The following PGGT1B variants were observed in gnomAD, a reference collection of about 807,000 sequenced individuals.
The protein encoded by PGGT1B is protein geranylgeranyltransferase type I subunit beta.
Under a neutral mutation model 46.1 loss-of-function variants are expected in PGGT1B, and 30 were observed. The ratio of observed to expected loss-of-function variants is 0.65; its 90% confidence interval spans 0.49 to 0.88. The LOEUF is 0.88. Among genes scored for constraint, PGGT1B ranks in the 40% least tolerant of loss-of-function variants. The pLI is 0.00. For missense variants in PGGT1B, 376 were observed against 455.9 expected (o/e 0.82, Z 1.60); for synonymous variants, 170 against 160.0 (o/e 1.06, Z -0.47).
intron 6 of PGGT1B, among the ~76,000 whole-genome samples, chr5:115,230,219 A>G (rs17137549): frequency 0.013 from 2,050 of 152,110 alleles, 47 homozygotes; most frequent in African/African-American, 0.046. Flanking sequence ...GGGCTGAGAC[A>G]AGAACACTGA....
chr5:115,220,354 G>A (rs1014023602), intron 7 of PGGT1B, among the ~76,000 whole-genome samples: 8 of 151,630 alleles, frequency 5.3e-5, no homozygotes, highest in Non-Finnish European at 1.0e-4. Flanking sequence ...AGAAACAGAA[G>A]GACAAATATT....
At chr5:115,224,171 T>C (rs1756683948) in intron 6 of PGGT1B, among the ~76,000 whole-genome samples, 1 of 152,182 alleles carries the variant, frequency 6.6e-6, no homozygotes, top group Non-Finnish European at 1.5e-5. Context: ...AGTAATCTTA[T>C]TTCCTTTTCA....
intron 6 of PGGT1B, among the ~76,000 whole-genome samples, chr5:115,226,323 G>A (rs1270126202): frequency 6.6e-6 from 1 of 152,016 alleles, no homozygotes. Flanking sequence ...AGCTTAATTG[G>A]TAAGTATAAT....
intron 2 of PGGT1B, among the ~76,000 whole-genome samples, chr5:115,247,405 TA>T (rs1747896856): frequency 6.6e-6 from 1 of 152,196 alleles, no homozygotes; most frequent in South Asian, 2.1e-4. Context: ...TTATGCTTCT[TA>T]AATATATTTC....
At chr5:115,228,619 G>A (rs903967463) in intron 6 of PGGT1B, among the ~76,000 whole-genome samples, 2 of 152,226 alleles carry the variant, frequency 1.3e-5, no homozygotes, top group South Asian at 2.1e-4. Context: ...GATGGAGGAA[G>A]ATTCTATGTA....
Position 115,212,374 on chromosome 5 carries a change from T to TTGGC in PGGT1B, c.*27_*28insGCCA. ...ACTTGAGCTACAGTTATGCTACAAATCCCCCCACCCTCCCAATCTAAAATC... is the reference window on the plus strand; with the variant it reads ...ACTTGAGCTACAGTTATGCTACAAATTGGCCCCCCCACCCTCCCAATCTAAAATC... On this transcript the variant is annotated 3_prime_UTR_variant, in exon 9 of 9. Coordinates refer to ENST00000419445, the MANE Select transcript of PGGT1B (RefSeq NM_005023.4). The TTGGC allele has an allele frequency of 4.5e-6, 7 of 1,554,716 alleles. No individual in the cohort carries two copies. The highest frequency in any genetic ancestry group is 6.2e-6 in the Non-Finnish European group (7 of 1,131,892).
chr5:115,253,002 A>G, intron 2 of PGGT1B, 135 bp downstream of exon 2: 1 of 721,804 alleles, frequency 1.4e-6, no homozygotes, highest in Non-Finnish European at 2.3e-6. Context: ...CAGAATGGCA[A>G]TGCTGCATTA....
At chr5:115,244,466 C>CAAAAAAA (rs1299602640) in intron 2 of PGGT1B, among the ~76,000 whole-genome samples, 2 of 31,190 alleles carry the variant, frequency 6.4e-5, no homozygotes, top group Non-Finnish European at 5.6e-5. Flanking sequence ...CTCTGTCTCA[C>CAAAAAAA]AAAAAAAAAA....
At chr5:115,247,472 G>A (rs1374405976) in intron 2 of PGGT1B, among the ~76,000 whole-genome samples, 1 of 152,060 alleles carries the variant, frequency 6.6e-6, no homozygotes, top group Non-Finnish European at 1.5e-5. Context: ...CATTTTAAAA[G>A]TTTTTGCCCT....
At chr5:115,236,141 T>G (rs911491802) in intron 5 of PGGT1B, among the ~76,000 whole-genome samples, 1 of 152,124 alleles carries the variant, frequency 6.6e-6, no homozygotes, top group Non-Finnish European at 1.5e-5. Context: ...TTCTTTTAAG[T>G]CAACCAATCC....
At chr5:115,232,655 AT>A (rs1209898662) in intron 5 of PGGT1B, among the ~76,000 whole-genome samples, 34 of 151,978 alleles carry the variant, frequency 2.2e-4, no homozygotes, top group Non-Finnish European at 2.1e-4. Context: ...AACAATCATA[AT>A]TTTTCCCATT....
rs1267323071 is a variant in PGGT1B at position 115,209,604 on chromosome 5, T to A, written c.*2798A>T. The A allele has an allele frequency of 2.0e-5, 3 of 152,166 alleles. No individual in the cohort carries two copies. Among genetic ancestry groups the A allele is most frequent in the Non-Finnish European group, 4.4e-5 (3 of 68,028 alleles). 9.4% of individuals were successfully genotyped at this position (152,166 alleles called of 1,614,324 possible). On this transcript the variant is annotated 3_prime_UTR_variant, in exon 9 of 9. Coordinates refer to ENST00000419445, the MANE Select transcript of PGGT1B (RefSeq NM_005023.4). ...ACCTTGTCATCTAGCGTTGTAATAG[T>A]GTCTGTGGCTATCCTAGTTGCTCTG...
chr5:115,226,287 CA>C (rs908156046), intron 6 of PGGT1B, among the ~76,000 whole-genome samples: 1 of 152,046 alleles, frequency 6.6e-6, no homozygotes, highest in African/African-American at 2.4e-5. Context: ...TGGAACATTT[CA>C]AATTTCTGAT....
At chr5:115,239,720 A>G (rs752818373) in intron 3 of PGGT1B, among the ~76,000 whole-genome samples, 9 of 152,208 alleles carry the variant, frequency 5.9e-5, no homozygotes, top group Non-Finnish European at 1.3e-4. Context: ...GGTATAGATG[A>G]AGAGGAGGTA....
rs1175831768 is a variant in PGGT1B at position 115,204,646 on chromosome 5, G to A, written c.*7756C>T. 6.6e-6 allele frequency: 1 copy of A among 152,108 alleles called. No individual in the cohort carries two copies. The highest frequency in any genetic ancestry group is 1.5e-5 in the Non-Finnish European group (1 of 68,010). 9.4% of individuals were successfully genotyped at this position (152,108 alleles called of 1,614,324 possible). Reference sequence around the variant, plus strand: ...AGGCACTCTCATACCTTGTTGTTGAGTTTATGAATGGCTACACTGTTTCTG... The same window carrying A: ...AGGCACTCTCATACCTTGTTGTTGAATTTATGAATGGCTACACTGTTTCTG... On this transcript the variant is annotated 3_prime_UTR_variant, in exon 9 of 9. Coordinates refer to ENST00000419445, the MANE Select transcript of PGGT1B (RefSeq NM_005023.4).
At chr5:115,236,563 G>A in intron 4 of PGGT1B, 41 bp from the exon 5 acceptor site, 1 of 1,421,178 alleles carries the variant, frequency 7.0e-7, no homozygotes, top group Non-Finnish European at 9.3e-7. Context: ...ATTAACACTG[G>A]ACTCTGATTT....
intron 6 of PGGT1B, among the ~76,000 whole-genome samples, chr5:115,228,702 A>T (rs1756873661): frequency 6.6e-6 from 1 of 152,168 alleles, no homozygotes; most frequent in Admixed American, 6.6e-5. Context: ...GAACTGAGGT[A>T]AAGAAGTGAC....
At chr5:115,257,271 G>A (rs780673570) in intron 1 of PGGT1B, among the ~76,000 whole-genome samples, 4 of 152,140 alleles carry the variant, frequency 2.6e-5, no homozygotes, top group African/African-American at 4.8e-5. Flanking sequence ...CCAGCACTTT[G>A]GGAGGTCAAA....
chr5:115,251,763 G>A (rs1047954330), intron 2 of PGGT1B, among the ~76,000 whole-genome samples: 1 of 151,880 alleles, frequency 6.6e-6, no homozygotes, highest in African/African-American at 2.4e-5. Flanking sequence ...GTGCCACAGT[G>A]TGTATATGAT....
Sources: gnomAD v4.1 joint callset for allele counts (sites outside exome capture counted in the v4.1 genomes callset) on GRCh38, gnomAD v4.1.1 for gene constraint, MANE v1.5 for transcripts, NCBI Gene and HGNC (gene_info 2026-07-23, HGNC 2026-07-21) for gene names.